The following CNBD1 variants were observed in gnomAD, a reference collection of about 807,000 sequenced individuals.
CNBD1 encodes the protein cyclic nucleotide binding domain containing 1.
In CNBD1, 71 loss-of-function variants were observed where a neutral mutation model predicts 54.4. The observed-to-expected ratio is 1.30, with a 90% CI of 1.08 to 1.59. The LOEUF (loss-of-function observed/expected upper bound fraction) is 1.59. CNBD1 is among the 40% of genes most tolerant of loss of function. The probability of loss-of-function intolerance (pLI) is 0.00; values close to 1 mark genes in which losing one functional copy is unlikely to be tolerated. For synonymous variants in CNBD1, 182 were observed against 170.7 expected (o/e 1.07, Z -0.51); for missense variants, 659 against 518.0 (o/e 1.27, Z -2.64).
chr8:86,889,054 G>GT (rs1197286530), intron 2 of CNBD1, among the ~76,000 whole-genome samples: 1 of 152,044 alleles, frequency 6.6e-6, no homozygotes, highest in Non-Finnish European at 1.5e-5. Flanking sequence ...ACTCCCTCTA[G>GT]TAAGTCTTAT....
At chr8:87,186,451 AC>A in intron 4 of CNBD1, among the ~76,000 whole-genome samples, 1 of 152,024 alleles carries the variant, frequency 6.6e-6, no homozygotes, top group East Asian at 1.9e-4. Flanking sequence ...TCCATTCTCT[AC>A]CCTATTCCTA....
chr8:87,045,084 T>A (rs1236917282), intron 4 of CNBD1, among the ~76,000 whole-genome samples: 1 of 152,174 alleles, frequency 6.6e-6, no homozygotes, highest in Non-Finnish European at 1.5e-5. Flanking sequence ...AGAGGGGTGT[T>A]GTGTCGAGAA....
chr8:87,048,098 A>C (rs184705738), intron 4 of CNBD1, among the ~76,000 whole-genome samples: 1 of 152,248 alleles, frequency 6.6e-6, no homozygotes, highest in Admixed American at 6.5e-5. Context: ...TTGAGAGAGT[A>C]GAGAGGAGGA....
chr8:86,928,138 T>C (rs1454516647), intron 3 of CNBD1, among the ~76,000 whole-genome samples: 2 of 152,160 alleles, frequency 1.3e-5, no homozygotes, highest in African/African-American at 4.8e-5. Flanking sequence ...CTTGTCTCTG[T>C]GACATCCTTC....
intron 3 of CNBD1, among the ~76,000 whole-genome samples, chr8:86,912,667 C>CT: frequency 6.6e-6 from 1 of 152,014 alleles, no homozygotes; most frequent in South Asian, 2.1e-4. Context: ...TTTACTATAA[C>CT]TTTTATTGTT....
intron 4 of CNBD1, among the ~76,000 whole-genome samples, chr8:87,075,267 GCC>G (rs1810846183): frequency 1.3e-5 from 2 of 152,128 alleles, no homozygotes; most frequent in Non-Finnish European, 2.9e-5. Flanking sequence ...CATATAGGAT[GCC>G]CATGCAGTTC....
chr8:87,229,412 A>T (rs183610379), intron 5 of CNBD1, among the ~76,000 whole-genome samples: 21 of 152,278 alleles, frequency 1.4e-4, no homozygotes, highest in African/African-American at 4.6e-4. Context: ...TTTAGCTTGC[A>T]TTATTAACAA....
chr8:86,892,520 G>A (rs1808785226), intron 2 of CNBD1, among the ~76,000 whole-genome samples: 1 of 151,962 alleles, frequency 6.6e-6, no homozygotes. Context: ...AAGTCATAGA[G>A]TACCCAATTT....
intron 4 of CNBD1, among the ~76,000 whole-genome samples, chr8:87,060,397 A>G (rs1033312829): frequency 5.3e-5 from 8 of 152,234 alleles, no homozygotes; most frequent in East Asian, 1.9e-4. Context: ...GTATTGGTGC[A>G]TGGACAGGTA....
chr8:87,281,093 T>C (rs2130866629), intron 6 of CNBD1, among the ~76,000 whole-genome samples: 1 of 151,780 alleles, frequency 6.6e-6, no homozygotes, highest in East Asian at 1.9e-4. Context: ...ACCATGATTA[T>C]TACCTGCAGT....
chr8:87,246,330 C>T (rs1228679062), intron 6 of CNBD1, among the ~76,000 whole-genome samples: 1 of 152,084 alleles, frequency 6.6e-6, no homozygotes, highest in Non-Finnish European at 1.5e-5. Flanking sequence ...GTTTGCAAAA[C>T]CCCAAATGGA....
intron 10 of CNBD1, among the ~76,000 whole-genome samples, chr8:87,368,463 C>T (rs1416091887): frequency 6.6e-6 from 1 of 151,978 alleles, no homozygotes; most frequent in East Asian, 2.0e-4. Context: ...TAGTGAGACC[C>T]TGTCTGTACA....
chr8:87,099,926 G>A (rs1010142239), intron 4 of CNBD1, among the ~76,000 whole-genome samples: 8 of 152,142 alleles, frequency 5.3e-5, no homozygotes, highest in African/African-American at 1.9e-4. Flanking sequence ...TATGCTTGTG[G>A]GTAGAGAATA....
intron 5 of CNBD1, among the ~76,000 whole-genome samples, chr8:87,215,416 C>T (rs1016440508): frequency 1.3e-4 from 20 of 151,806 alleles, no homozygotes; most frequent in African/African-American, 4.4e-4. Context: ...GAAACCCTGT[C>T]CCTACTAAAA....
intron 5 of CNBD1, among the ~76,000 whole-genome samples, chr8:87,212,819 A>G (rs947903902): frequency 1.3e-5 from 2 of 152,170 alleles, no homozygotes; most frequent in Admixed American, 1.3e-4. Flanking sequence ...CATAACACTG[A>G]CAGTACAAGA....
chr8:87,416,917 C>A (rs549051741), intron 2 of CNBD1, among the ~76,000 whole-genome samples: 82 of 152,114 alleles, frequency 5.4e-4, no homozygotes, highest in African/African-American at 1.8e-3. Context: ...GGATTATAAA[C>A]CATGTCCAAA....
chr8:87,296,901 C>G (rs953443844), intron 8 of CNBD1, among the ~76,000 whole-genome samples: 1 of 151,806 alleles, frequency 6.6e-6, no homozygotes, highest in Non-Finnish European at 1.5e-5. Flanking sequence ...ATAAGGCCAG[C>G]GTGGTGGCTC....
At chr8:87,049,556 T>C (rs1810271206) in intron 4 of CNBD1, among the ~76,000 whole-genome samples, 4 of 152,134 alleles carry the variant, frequency 2.6e-5, no homozygotes, top group Admixed American at 6.6e-5. Flanking sequence ...TGAAGGAACT[T>C]CCATCTGTGA....
intron 6 of CNBD1, among the ~76,000 whole-genome samples, chr8:87,265,074 C>G (rs895959266): frequency 6.6e-6 from 1 of 152,024 alleles, no homozygotes; most frequent in African/African-American, 2.4e-5. Context: ...AAGTCCTTGC[C>G]CATGCCTATG....
Sources: allele counts gnomAD v4.1 joint callset (sites outside exome capture counted in the v4.1 genomes callset), GRCh38; gene constraint gnomAD v4.1.1; transcripts MANE v1.5; gene names NCBI Gene and HGNC (gene_info 2026-07-23, HGNC 2026-07-21).